The following KMT2C variants were observed in gnomAD, a reference collection of about 807,000 sequenced individuals.
The protein encoded by KMT2C is histone-lysine N-methyltransferase 2C.
KMT2C carries 88 observed loss-of-function variants against 507.9 expected under a neutral mutation model. The ratio of observed to expected loss-of-function variants is 0.17; its 90% CI spans 0.15 to 0.21. The LOEUF is 0.21. Among genes scored for constraint, KMT2C ranks in the 10% least tolerant of loss-of-function variants. KMT2C has a pLI of 1.00. For synonymous variants in KMT2C, 2,049 were observed against 2,080.8 expected, an observed-to-expected ratio of 0.98 and a Z score of 0.42; for missense variants, 4,954 against 5,957.8, an observed-to-expected ratio of 0.83 and a Z score of 5.55.
chr7:152,282,903 G>C (rs2096244399), intron 6 of KMT2C, among the ~76,000 whole-genome samples: 2 of 151,850 alleles, frequency 1.3e-5, no homozygotes, highest in Admixed American at 6.6e-5. Flanking sequence ...GAGAATTTTA[G>C]ATAAAAACTC....
rs560951181 is a variant in KMT2C at position 152,176,404 on chromosome 7, T to A, written c.9049A>T (p.Thr3017Ser). 7.4e-5 allele frequency: 120 copies of A among 1,614,138 alleles called. No homozygotes were observed. In the East Asian group the frequency reaches 2.7e-3, roughly 36 times the overall value. ...ATGCTACTGGTACCAGACTGACTTG[T>A]TTGAGGCCCAGTTTGAGTTGCAGGT... Reference protein sequence around the residue: ...GKPATQTGPQTSQSGTSSMSG... With the variant: ...GKPATQTGPQSSQSGTSSMSG... The change falls in exon 38 of 59, where the codon ACA becomes TCA. Residue 3017 changes from threonine (T) to serine (S), a missense_variant. Coordinates refer to ENST00000262189, the MANE Select transcript of KMT2C (RefSeq NM_170606.3).
At chr7:152,299,245 G>C (rs926808348) in intron 6 of KMT2C, among the ~76,000 whole-genome samples, 3 of 151,982 alleles carry the variant, frequency 2.0e-5, no homozygotes, top group Admixed American at 2.0e-4. Flanking sequence ...TTGAACCCAG[G>C]AGGCGGAGAC....
chr7:152,205,862 C>T (rs1416729215), intron 24 of KMT2C, among the ~76,000 whole-genome samples: 3 of 152,062 alleles, frequency 2.0e-5, no homozygotes, highest in Middle Eastern at 6.3e-3. Flanking sequence ...GTATATTAAC[C>T]GGCTAACTGG....
intron 1 of KMT2C, among the ~76,000 whole-genome samples, chr7:152,361,300 C>T (rs2097194900): frequency 1.3e-5 from 2 of 152,182 alleles, no homozygotes; most frequent in African/African-American, 2.4e-5. Flanking sequence ...GTGGCTCACG[C>T]CTGTAATCCC....
chr7:152,246,775 A>ATACT (rs2095480965), intron 14 of KMT2C, among the ~76,000 whole-genome samples: 2 of 152,136 alleles, frequency 1.3e-5, no homozygotes, highest in Non-Finnish European at 2.9e-5. Flanking sequence ...GTCAAGGAAA[A>ATACT]TACTTAGAAA....
intron 2 of KMT2C, among the ~76,000 whole-genome samples, chr7:152,331,931 G>C (rs1003046927): frequency 1.3e-5 from 2 of 151,858 alleles, no homozygotes; most frequent in African/African-American, 2.4e-5. Context: ...TTACAGGCAT[G>C]AGCCACTGTG....
intron 1 of KMT2C, among the ~76,000 whole-genome samples, chr7:152,379,475 T>C (rs2097353432): frequency 6.6e-6 from 1 of 150,494 alleles, no homozygotes; most frequent in Non-Finnish European, 1.5e-5. Context: ...AAGGTGGAGG[T>C]TGCAGTGAGC....
At chr7:152,394,810 A>G (rs1271419619) in intron 1 of KMT2C, among the ~76,000 whole-genome samples, 1 of 152,226 alleles carries the variant, frequency 6.6e-6, no homozygotes, top group African/African-American at 2.4e-5. Context: ...TATTTAAGTG[A>G]ATTAATTTAG....
intron 6 of KMT2C, among the ~76,000 whole-genome samples, chr7:152,308,668 C>A (rs1424038899): frequency 8.5e-6 from 1 of 117,638 alleles, no homozygotes; most frequent in African/African-American, 4.4e-5. Context: ...CAGCAAAACT[C>A]CTCTCAAAAA....
At chr7:152,408,867 A>C (rs1389037035) in intron 1 of KMT2C, among the ~76,000 whole-genome samples, 2 of 152,126 alleles carry the variant, frequency 1.3e-5, no homozygotes, top group Admixed American at 6.6e-5. Flanking sequence ...TTAATATCAA[A>C]TATCTTAGAA....
rs537651330 is a variant in KMT2C at position 152,366,784 on chromosome 7, A to G, written c.162-8109T>C. On this transcript the variant is annotated intron_variant, in intron 1 of 58. Coordinates refer to ENST00000262189, the MANE Select transcript of KMT2C (RefSeq NM_170606.3). The stretch of plus-strand genomic sequence containing the variant: ...GGGATGTAACCAGCCGCTGAGCTGC[A>G]GCCCTTCCGTGTCCGCAGGCTTCGG... 62 of 207,586 alleles carry G rather than the reference A, an allele frequency of 3.0e-4. No homozygotes were observed. The South Asian group carries it at 7.7e-3, about 26-fold the overall frequency. 12.9% of individuals were successfully genotyped at this position (207,586 alleles called of 1,614,324 possible).
chr7:152,164,559 G>T (rs899588306), intron 42 of KMT2C, among the ~76,000 whole-genome samples: 4 of 152,082 alleles, frequency 2.6e-5, no homozygotes, highest in African/African-American at 7.2e-5. Flanking sequence ...AAAGTGCTGG[G>T]ATTACAGGCG....
intron 14 of KMT2C, among the ~76,000 whole-genome samples, chr7:152,240,739 T>C (rs1294301683): frequency 3.3e-5 from 5 of 152,224 alleles, no homozygotes; most frequent in African/African-American, 7.2e-5. Flanking sequence ...ACTTCATCAA[T>C]GCAAATCATC....
At chr7:152,411,227 C>T (rs1464334520) in intron 1 of KMT2C, among the ~76,000 whole-genome samples, 2 of 151,902 alleles carry the variant, frequency 1.3e-5, no homozygotes, top group African/African-American at 2.4e-5. Context: ...AACTTTTTAT[C>T]CTTAGGATAT....
chr7:152,420,766 C>T (rs2097772432), intron 1 of KMT2C, among the ~76,000 whole-genome samples: 2 of 151,578 alleles, frequency 1.3e-5, no homozygotes, highest in South Asian at 4.2e-4. Context: ...ACCCGGGAGG[C>T]ACAGGTTGCA....
intron 6 of KMT2C, among the ~76,000 whole-genome samples, chr7:152,277,903 T>G (rs748775444): frequency 1.3e-5 from 2 of 152,216 alleles, no homozygotes; most frequent in Non-Finnish European, 2.9e-5. Flanking sequence ...ATAGCAACTT[T>G]CAAAACATGC....
rs1203624018 is a variant in KMT2C, at chr7:152,435,802, A to G, written c.-16T>C. On this transcript the variant is annotated 5_prime_UTR_variant, in exon 1 of 59. Transcript: ENST00000262189. ...CCGACGACATCCTAGTCACCAGGAA[A>G]GACACATGGATCCCGGTCCTCCTCC... The G allele has an allele frequency of 7.5e-7, 1 of 1,334,542 alleles. No homozygotes were observed. Among genetic ancestry groups the G allele is most frequent in the Admixed American group, 3.4e-5 (1 of 29,216 alleles). The allele number at this position is 1,334,542 out of a possible 1,614,324, so 82.7% of individuals were successfully genotyped here.
chr7:152,356,661 C>T (rs2097154154), intron 2 of KMT2C, among the ~76,000 whole-genome samples: 1 of 151,036 alleles, frequency 6.6e-6, no homozygotes, highest in Admixed American at 6.6e-5. Flanking sequence ...GAGGGCAAGG[C>T]AGGTGGATCA....
chr7:152,140,058 T>C (rs1489982335), intron 55 of KMT2C, among the ~76,000 whole-genome samples: 1 of 152,254 alleles, frequency 6.6e-6, no homozygotes, highest in African/African-American at 2.4e-5. Flanking sequence ...GTGGCTTGGC[T>C]GTCTTATGTA....
Sources: gnomAD v4.1 joint callset for allele counts (sites outside exome capture counted in the v4.1 genomes callset) on GRCh38, gnomAD v4.1.1 for gene constraint, MANE v1.5 for transcripts, NCBI Gene and HGNC (gene_info 2026-07-23, HGNC 2026-07-21) for gene names.